RAPGEF4: variants seen among roughly 807,000 people sequenced by gnomAD.
The protein encoded by RAPGEF4 is Rap guanine nucleotide exchange factor 4, also known as RAP guanine-nucleotide-exchange factor (GEF) 4.
Under a neutral mutation model 147.9 loss-of-function variants are expected in RAPGEF4, and 66 were observed. The observed-to-expected ratio is 0.45, with a 90% CI of 0.37 to 0.55. The LOEUF (loss-of-function observed/expected upper bound fraction) is 0.55, where lower values mean the gene tolerates loss of function less well. RAPGEF4 is among the 20% of genes least tolerant of loss of function. The pLI is 0.00. For missense variants in RAPGEF4, 1,071 were observed against 1,257.3 expected (o/e 0.85, Z 2.24); for synonymous variants, 419 against 442.7 (o/e 0.95, Z 0.67).
intron 1 of RAPGEF4, among the ~76,000 whole-genome samples, chr2:172,740,970 G>A (rs541533409): frequency 3.3e-4 from 50 of 152,310 alleles, no homozygotes; most frequent in Admixed American, 1.8e-3. Context: ...AGCCATATGG[G>A]AAATCCAATT....
chr2:172,848,155 A>G (rs1692405817), intron 4 of RAPGEF4, among the ~76,000 whole-genome samples: 1 of 152,188 alleles, frequency 6.6e-6, no homozygotes, highest in Non-Finnish European at 1.5e-5. Context: ...AAATGTACTC[A>G]TGCTTGAGAC....
chr2:172,815,257 A>G (rs1470907540), intron 4 of RAPGEF4, among the ~76,000 whole-genome samples: 1 of 152,244 alleles, frequency 6.6e-6, no homozygotes, highest in Non-Finnish European at 1.5e-5. Flanking sequence ...TCTAAAAAGA[A>G]TTTTGTGTAA....
intron 6 of RAPGEF4, among the ~76,000 whole-genome samples, chr2:172,925,874 GAGAAAGAAA>G (rs1685271776): frequency 7.0e-6 from 1 of 142,926 alleles, no homozygotes; most frequent in Non-Finnish European, 1.5e-5. Flanking sequence ...GAGAGAGAAG[GAGAAAGAAA>G]AGAAAGGAAA....
intron 4 of RAPGEF4, among the ~76,000 whole-genome samples, chr2:172,876,296 G>A (rs1695910315): frequency 6.6e-6 from 1 of 152,152 alleles, no homozygotes; most frequent in Non-Finnish European, 1.5e-5. Context: ...TTGAATAGGA[G>A]TGGTGAGAGA....
intron 1 of RAPGEF4, among the ~76,000 whole-genome samples, chr2:172,770,559 A>T (rs1264767324): frequency 1.3e-5 from 2 of 152,182 alleles, no homozygotes; most frequent in Non-Finnish European, 2.9e-5. Context: ...CTAGGTTGTG[A>T]TATAGTTGTT....
In RAPGEF4 at chr2:172,814,633, G is replaced by T. The variant is rs1030509010; in HGVS notation, c.444+208G>T. The T allele has an allele frequency of 5.1e-6, 3 of 589,564 alleles. No individual in the cohort carries two copies. The African/African-American group carries it at 5.6e-5, about 11-fold the overall frequency. 36.5% of individuals were successfully genotyped at this position (589,564 alleles called of 1,614,324 possible). A position where few individuals can be genotyped will look rare whatever the true frequency, so the allele number is the denominator to read the frequency against. On this transcript the variant is annotated intron_variant, in intron 4 of 30. Coordinates refer to ENST00000397081, the MANE Select transcript of RAPGEF4 (RefSeq NM_007023.4). ...CTTTTTTTTGTTTAATTTAGTGCTTGCTCAATTTTCTGTAGTTTGACATAC... is the reference window on the plus strand; with the variant it reads ...CTTTTTTTTGTTTAATTTAGTGCTTTCTCAATTTTCTGTAGTTTGACATAC...
At chr2:172,861,258 T>G (rs1458174251) in intron 4 of RAPGEF4, among the ~76,000 whole-genome samples, 1 of 152,092 alleles carries the variant, frequency 6.6e-6, no homozygotes, top group African/African-American at 2.4e-5. Flanking sequence ...GATCAGGCTT[T>G]TGTTCAGAGG....
chr2:172,750,415 T>C (rs1259695226), intron 1 of RAPGEF4, among the ~76,000 whole-genome samples: 1 of 151,944 alleles, frequency 6.6e-6, no homozygotes, highest in African/African-American at 2.4e-5. Flanking sequence ...AGCGTTTTTT[T>C]CCCTTTATAA....
intron 1 of RAPGEF4, among the ~76,000 whole-genome samples, chr2:172,760,334 A>G (rs1574731337): frequency 6.6e-6 from 1 of 152,266 alleles, no homozygotes; most frequent in East Asian, 1.9e-4. Context: ...ATGTTTAAGC[A>G]AAGAATAGAA....
intron 4 of RAPGEF4, among the ~76,000 whole-genome samples, chr2:172,853,158 T>A (rs758304840): frequency 1.3e-5 from 2 of 152,042 alleles, no homozygotes; most frequent in Non-Finnish European, 2.9e-5. Context: ...CTTCATAAAA[T>A]GGTTGGGGAT....
Position 172,866,720 on chromosome 2 carries a change from C to G in RAPGEF4, c.445-51082C>G, listed in dbSNP as rs763281903. ...GTGGGCCTGTTTTTCTGGCCCAAAC[C>G]AATAATTTGCTGAATTACCCTTCTG... On this transcript the variant is annotated intron_variant, in intron 4 of 30. Transcript: ENST00000397081. Among the ~76,000 whole-genome samples, 10 of 151,868 alleles carry G rather than the reference C, an allele frequency of 6.6e-5. No homozygotes were observed. In the South Asian group the frequency reaches 1.7e-3, roughly 25 times the overall value.
chr2:172,879,191 C>A (rs1194558116), intron 4 of RAPGEF4, among the ~76,000 whole-genome samples: 2 of 152,092 alleles, frequency 1.3e-5, no homozygotes, highest in African/African-American at 4.8e-5. Context: ...TTAAGTAAAT[C>A]ATAATTCATG....
intron 3 of RAPGEF4, among the ~76,000 whole-genome samples, chr2:172,797,877 A>G (rs571929021): frequency 1.1e-4 from 16 of 152,208 alleles, no homozygotes; most frequent in Admixed American, 2.0e-4. Flanking sequence ...CTTGAGGTCT[A>G]TTTGGAAATG....
rs200188894 is a variant in RAPGEF4 at position 172,996,571 on chromosome 2, G to A, written c.1579+17G>A. 8.2e-5 allele frequency: 122 copies of A among 1,483,272 alleles called. No individual in the cohort carries two copies. Among genetic ancestry groups the A allele is most frequent in the Admixed American group, 3.7e-4 (17 of 45,740 alleles). The allele number at this position is 1,483,272 out of a possible 1,614,324, so 91.9% of individuals were successfully genotyped here. ...AAGCAACAGGTATACACATAGAACC[G>A]TTTGCATGTCCATTAAATCCATGCA... is the stretch of plus-strand genomic sequence containing the variant. On this transcript the variant is annotated intron_variant, in intron 16 of 30. Transcript: ENST00000397081.
At position 172,831,380 on chromosome 2, in the gene RAPGEF4, C is replaced by T. The variant is rs1011418509; in HGVS notation, c.444+16955C>T. Among the ~76,000 whole-genome samples, 18 of 146,564 alleles carry T rather than the reference C, an allele frequency of 1.2e-4. No homozygotes were observed. The East Asian group carries it at 1.3e-3, about 11-fold the overall frequency. On this transcript the variant is annotated intron_variant, in intron 4 of 30. Transcript: ENST00000397081. ...GCCTCCCGGGTTCAAGCAATTCTCC[C>T]GCCTCAGCCTCCTGAGTAGCTGGGA...
intron 1 of RAPGEF4, among the ~76,000 whole-genome samples, chr2:172,757,739 C>T (rs1695914144): frequency 6.6e-6 from 1 of 152,198 alleles, no homozygotes; most frequent in Non-Finnish European, 1.5e-5. Flanking sequence ...TTGCTTGCTA[C>T]ATGATCTCAC....
At chr2:173,038,410 T>C (rs962127687) in intron 29 of RAPGEF4, among the ~76,000 whole-genome samples, 4 of 152,244 alleles carry the variant, frequency 2.6e-5, no homozygotes, top group Admixed American at 1.3e-4. Flanking sequence ...TGCACAGAGA[T>C]GTAGAAGTCA....
chr2:172,745,356 CAT>C (rs1694672128), intron 1 of RAPGEF4, among the ~76,000 whole-genome samples: 2 of 151,972 alleles, frequency 1.3e-5, no homozygotes, highest in Admixed American at 6.6e-5. Flanking sequence ...AATTTATTGA[CAT>C]AGAGTTGTTC....
At chr2:172,963,321 A>G (rs1297441701) in intron 8 of RAPGEF4, among the ~76,000 whole-genome samples, 1 of 152,242 alleles carries the variant, frequency 6.6e-6, no homozygotes. Context: ...GTTAAAATAA[A>G]TAAATCAATG....
Sources: allele counts gnomAD v4.1 joint callset (sites outside exome capture counted in the v4.1 genomes callset), GRCh38; gene constraint gnomAD v4.1.1; transcripts MANE v1.5; gene names NCBI Gene and HGNC (gene_info 2026-07-23, HGNC 2026-07-21).